Variants in CCSER1 observed in about 807,000 individuals in gnomAD.
CCSER1 encodes coiled-coil serine rich protein 1.
In CCSER1, 41 loss-of-function variants were observed where a neutral mutation model predicts 82.0. The observed-to-expected ratio is 0.50, with a 90% CI of 0.39 to 0.65. CCSER1 has a LOEUF of 0.65. Among genes scored for constraint, CCSER1 ranks in the 30% least tolerant of loss-of-function variants. The pLI is 0.00. For missense variants in CCSER1, 1,119 were observed against 1,064.2 expected (o/e 1.05, Z -0.72); for synonymous variants, 414 against 383.9 (o/e 1.08, Z -0.92).
intron 1 of CCSER1, among the ~76,000 whole-genome samples, chr4:90,169,607 T>A (rs1731242974): frequency 6.6e-6 from 1 of 152,082 alleles, no homozygotes; most frequent in Admixed American, 6.6e-5. Flanking sequence ...AAATAGAATA[T>A]CATTTGAAAA....
chr4:90,372,998 A>G (rs541614514), intron 3 of CCSER1, among the ~76,000 whole-genome samples: 21 of 148,486 alleles, frequency 1.4e-4, no homozygotes, highest in African/African-American at 4.9e-4. Flanking sequence ...AAGGACCCCA[A>G]CTTTATTAAG....
At chr4:90,192,453 G>A (rs543068349) in intron 1 of CCSER1, among the ~76,000 whole-genome samples, 11 of 152,114 alleles carry the variant, frequency 7.2e-5, no homozygotes, top group Admixed American at 5.2e-4. Flanking sequence ...TTTTTATTAT[G>A]AGAAGCAATA....
intron 5 of CCSER1, among the ~76,000 whole-genome samples, chr4:90,594,736 C>T (rs1323533412): frequency 6.6e-6 from 1 of 152,036 alleles, no homozygotes; most frequent in African/African-American, 2.4e-5. Context: ...ATTGTGAACT[C>T]TTTCATTTAA....
intron 10 of CCSER1, among the ~76,000 whole-genome samples, chr4:91,142,198 A>G (rs1729102501): frequency 6.6e-6 from 1 of 152,120 alleles, no homozygotes; most frequent in Non-Finnish European, 1.5e-5. Context: ...TTCTTGTGGT[A>G]GTGAATAAGT....
intron 1 of CCSER1, among the ~76,000 whole-genome samples, chr4:90,283,305 C>T (rs918470213): frequency 6.6e-6 from 1 of 151,694 alleles, no homozygotes; most frequent in Non-Finnish European, 1.5e-5. Context: ...TTATAATATT[C>T]AAGTTAAGTA....
In CCSER1 at chr4:91,010,579, C is replaced by T. The variant is rs904781662; in HGVS notation, c.2173-75371C>T. ...TTACTTAATGGTGTCCCATAAGTCC[C>T]ACAGGCTGTCTTAATTCTTTTTCAT... On this transcript the variant is annotated intron_variant, in intron 9 of 10. Coordinates refer to ENST00000509176, the MANE Select transcript of CCSER1 (RefSeq NM_001145065.2). Among the ~76,000 whole-genome samples the T allele has an allele frequency of 3.0e-5, 4 of 134,806 alleles. No homozygotes were observed. The South Asian group carries it at 9.5e-4, about 32-fold the overall frequency. The allele number at this position is 134,806 out of a possible 152,430, so 88.4% of individuals were successfully genotyped here.
intron 5 of CCSER1, among the ~76,000 whole-genome samples, chr4:90,624,230 G>A (rs1252282506): frequency 1.3e-5 from 2 of 152,092 alleles, no homozygotes; most frequent in Non-Finnish European, 2.9e-5. Context: ...CACTAAATAA[G>A]GAAAGGTTCC....
chr4:90,616,949 T>C (rs1170675507), intron 5 of CCSER1, among the ~76,000 whole-genome samples: 1 of 152,158 alleles, frequency 6.6e-6, no homozygotes, highest in Admixed American at 6.5e-5. Flanking sequence ...ACTCACACTC[T>C]GGAGCCAGAC....
chr4:90,556,177 G>C (rs548656366), intron 5 of CCSER1, among the ~76,000 whole-genome samples: 1 of 152,196 alleles, frequency 6.6e-6, no homozygotes, highest in Admixed American at 6.5e-5. Flanking sequence ...TTACTCATCT[G>C]AATGTAGCCA....
chr4:91,123,501 G>T (rs934631309), intron 10 of CCSER1, among the ~76,000 whole-genome samples: 1 of 151,650 alleles, frequency 6.6e-6, no homozygotes, highest in Non-Finnish European at 1.5e-5. Context: ...TGTTATAGCT[G>T]CTAAAGCATG....
At chr4:91,200,472 A>G (rs1437114811) in intron 10 of CCSER1, among the ~76,000 whole-genome samples, 4 of 152,082 alleles carry the variant, frequency 2.6e-5, no homozygotes, top group African/African-American at 9.7e-5. Context: ...GCTGACTTGT[A>G]GTGGGGGGCC....
intron 3 of CCSER1, among the ~76,000 whole-genome samples, chr4:90,318,422 C>T (rs748926515): frequency 3.3e-5 from 5 of 152,160 alleles, no homozygotes; most frequent in Non-Finnish European, 5.9e-5. Context: ...AGACAACTTT[C>T]ATTTATGGCC....
chr4:90,160,662 AGATTCCACTGGAGAGG>A (rs535350024), intron 1 of CCSER1, among the ~76,000 whole-genome samples: 79 of 152,262 alleles, frequency 5.2e-4, no homozygotes, highest in Admixed American at 1.5e-3. Context: ...ATTTGGAGAG[AGATTCCACTGGAGAGG>A]GTAATCTTGA....
At chr4:90,915,395 C>G (rs1305641757) in intron 8 of CCSER1, among the ~76,000 whole-genome samples, 2 of 152,154 alleles carry the variant, frequency 1.3e-5, no homozygotes, top group African/African-American at 4.8e-5. Context: ...AGCATATAAA[C>G]AGAACCAAAG....
At chr4:91,117,213 T>G (rs1458985288) in intron 10 of CCSER1, among the ~76,000 whole-genome samples, 2 of 152,234 alleles carry the variant, frequency 1.3e-5, no homozygotes, top group African/African-American at 4.8e-5. Context: ...TCCATGTAAA[T>G]GAGCCTTGAG....
At chr4:90,455,392 T>G (rs1284876509) in intron 4 of CCSER1, among the ~76,000 whole-genome samples, 1 of 152,136 alleles carries the variant, frequency 6.6e-6, no homozygotes, top group African/African-American at 2.4e-5. Context: ...TTTACCCTTC[T>G]GGAAGAGAGA....
chr4:90,887,483 T>C (rs1414116792), intron 8 of CCSER1, among the ~76,000 whole-genome samples: 2 of 152,204 alleles, frequency 1.3e-5, no homozygotes, highest in Admixed American at 1.3e-4. Context: ...AATCTATTCT[T>C]GCACCATTTC....
intron 6 of CCSER1, among the ~76,000 whole-genome samples, chr4:90,664,623 A>G (rs1731389873): frequency 1.3e-5 from 2 of 152,328 alleles, no homozygotes; most frequent in Middle Eastern, 3.4e-3. Flanking sequence ...CTAATTGGCC[A>G]GGCACGGTAG....
At chr4:91,171,550 A>T (rs1226969639) in intron 10 of CCSER1, among the ~76,000 whole-genome samples, 3 of 152,184 alleles carry the variant, frequency 2.0e-5, no homozygotes, top group East Asian at 1.9e-4. Context: ...CATACTCAAC[A>T]TATAAATACA....
Sources: gnomAD v4.1 joint callset for allele counts (sites outside exome capture counted in the v4.1 genomes callset) on GRCh38, gnomAD v4.1.1 for gene constraint, MANE v1.5 for transcripts, NCBI Gene and HGNC (gene_info 2026-07-23, HGNC 2026-07-21) for gene names.